The following SLC35F4 variants were observed in gnomAD, a reference collection of about 807,000 sequenced individuals.
The protein encoded by SLC35F4 is solute carrier family 35 member F4.
A neutral mutation model predicts 44.2 loss-of-function variants in SLC35F4; 24 were observed. The ratio of observed to expected loss-of-function variants is 0.54; its 90% CI spans 0.39 to 0.76. The LOEUF (loss-of-function observed/expected upper bound fraction) is 0.76, where lower values mean the gene tolerates loss of function less well. Ranked by LOEUF, SLC35F4 falls within the 30% of genes least tolerant of loss-of-function variation. The probability of loss-of-function intolerance (pLI) is 0.00; values close to 1 mark genes in which losing one functional copy is unlikely to be tolerated. For missense variants in SLC35F4, 562 were observed against 586.1 expected (o/e 0.96, Z 0.42); for synonymous variants, 238 against 223.6 (o/e 1.06, Z -0.57).
intron 1 of SLC35F4, among the ~76,000 whole-genome samples, chr14:57,772,124 T>C (rs2140686175): frequency 6.6e-6 from 1 of 152,316 alleles, no homozygotes; most frequent in East Asian, 1.9e-4. Context: ...CTTAATATAA[T>C]ATGCTGTGCT....
rs570154197 is a variant in SLC35F4, at chr14:57,715,641, C to A, written c.104-121517G>T. Among the ~76,000 whole-genome samples, 49 of 152,220 alleles carry A rather than the reference C, an allele frequency of 3.2e-4. 1 individual carries two copies. Among genetic ancestry groups the A allele is most frequent in the Admixed American group, 2.2e-3 (34 of 15,302 alleles). Reference sequence around the variant, plus strand: ...TTTTGAAGTTAAGGTAGCCCAGGAACTATGGAGCTAACTGGTTGGATGAGT... The same window carrying A: ...TTTTGAAGTTAAGGTAGCCCAGGAAATATGGAGCTAACTGGTTGGATGAGT... On this transcript the variant is annotated intron_variant, in intron 1 of 7. Coordinates refer to ENST00000556826, the MANE Select transcript of SLC35F4 (RefSeq NM_001306087.2).
At chr14:57,914,315 G>A (rs1283656357) in intron 1 of SLC35F4, among the ~76,000 whole-genome samples, 3 of 152,316 alleles carry the variant, frequency 2.0e-5, no homozygotes, top group Admixed American at 6.5e-5. Flanking sequence ...TGTAATCCCA[G>A]CACTTTGGGA....
intron 1 of SLC35F4, among the ~76,000 whole-genome samples, chr14:57,887,416 T>C (rs1196838768): frequency 6.6e-6 from 1 of 152,190 alleles, no homozygotes; most frequent in African/African-American, 2.4e-5. Context: ...CAGACTGTTC[T>C]CTGCAACCAT....
At chr14:57,971,434 T>G (rs1263024130) in intron 1 of SLC35F4, among the ~76,000 whole-genome samples, 1 of 152,148 alleles carries the variant, frequency 6.6e-6, no homozygotes, top group African/African-American at 2.4e-5. Context: ...AAACAAAAGC[T>G]GGTAAAAAGG....
intron 1 of SLC35F4, among the ~76,000 whole-genome samples, chr14:57,699,672 C>T (rs984717366): frequency 6.6e-6 from 1 of 152,196 alleles, no homozygotes; most frequent in Non-Finnish European, 1.5e-5. Context: ...AACAAAAAGG[C>T]ACCCCTCTTT....
chr14:57,564,493 G>A (rs2139648246), intron 7 of SLC35F4, 117 bp from the exon 8 acceptor site: 1 of 1,389,674 alleles, frequency 7.2e-7, no homozygotes, highest in Non-Finnish European at 9.6e-7. Flanking sequence ...ATTCTTCCAA[G>A]TTAGTGTTTC....
chr14:57,658,918 A>C (rs2074050925), intron 1 of SLC35F4, among the ~76,000 whole-genome samples: 2 of 152,166 alleles, frequency 1.3e-5, no homozygotes, highest in Admixed American at 1.3e-4. Context: ...TTAGAAATAG[A>C]ACCTTCGAGT....
chr14:57,619,996 AG>A (rs1285849538), intron 1 of SLC35F4, among the ~76,000 whole-genome samples: 1 of 152,172 alleles, frequency 6.6e-6, no homozygotes, highest in Non-Finnish European at 1.5e-5. Flanking sequence ...TAGTGAAAAA[AG>A]AATGAAAAGA....
At chr14:57,937,652 A>AAAGAAAAGAG (rs1202181652) in intron 1 of SLC35F4, among the ~76,000 whole-genome samples, 4 of 130,566 alleles carry the variant, frequency 3.1e-5, no homozygotes, top group East Asian at 4.4e-4. Flanking sequence ...AAAGAAAAGA[A>AAAGAAAAGAG]AAAAGAAAAG....
At chr14:57,581,573 C>G (rs1837727433) in intron 3 of SLC35F4, 140 bp from the exon 4 acceptor site, 2 of 764,666 alleles carry the variant, frequency 2.6e-6, no homozygotes, top group Admixed American at 2.9e-5. Flanking sequence ...GAACCCAGTT[C>G]TGAAATCTGC....
At chr14:57,760,212 T>G (rs974569115) in intron 1 of SLC35F4, among the ~76,000 whole-genome samples, 2 of 152,092 alleles carry the variant, frequency 1.3e-5, no homozygotes, top group Admixed American at 6.6e-5. Context: ...TTTGTGCATG[T>G]TGTAAGATTA....
intron 1 of SLC35F4, among the ~76,000 whole-genome samples, chr14:57,902,563 C>CAAA (rs36099939): frequency 1.6e-5 from 2 of 127,992 alleles, no homozygotes; most frequent in Non-Finnish European, 1.7e-5. Context: ...AACTCAGTCT[C>CAAA]AAAAAAAAAA....
intron 1 of SLC35F4, among the ~76,000 whole-genome samples, chr14:57,609,396 T>C (rs1429362039): frequency 6.6e-6 from 1 of 152,210 alleles, no homozygotes; most frequent in Admixed American, 6.5e-5. Context: ...TCTGCTTCCA[T>C]GATTGTTGCA....
At chr14:57,894,907 T>C (rs1028415301) in intron 1 of SLC35F4, among the ~76,000 whole-genome samples, 1 of 152,156 alleles carries the variant, frequency 6.6e-6, no homozygotes, top group Non-Finnish European at 1.5e-5. Context: ...AAGTGTCTTA[T>C]TATATAACTA....
At chr14:57,800,747 C>G (rs1048127791) in intron 1 of SLC35F4, among the ~76,000 whole-genome samples, 20 of 151,552 alleles carry the variant, frequency 1.3e-4, no homozygotes, top group African/African-American at 4.8e-4. Flanking sequence ...TAGAATGGAC[C>G]AAGTGGAGGA....
chr14:57,564,131 C>G lies in SLC35F4; in HGVS notation c.*4G>C. 1.2e-6 allele frequency: 2 copies of G among 1,613,348 alleles called. No individual in the cohort carries two copies. Among genetic ancestry groups the G allele is most frequent in the Non-Finnish European group, 1.7e-6 (2 of 1,179,580 alleles). On this transcript the variant is annotated 3_prime_UTR_variant, in exon 8 of 8. Coordinates refer to ENST00000556826, the MANE Select transcript of SLC35F4 (RefSeq NM_001306087.2). ...ATACACGTGCATTCAAAATATGTCC[C>G]TCTCTAAGCCAGTGGTATAGACACT...
At chr14:57,575,490 C>T (rs1270370198) in intron 4 of SLC35F4, among the ~76,000 whole-genome samples, 2 of 151,450 alleles carry the variant, frequency 1.3e-5, no homozygotes, top group Admixed American at 6.6e-5. Context: ...CAAAAACAAA[C>T]AAAAAAGATG....
intron 1 of SLC35F4, among the ~76,000 whole-genome samples, chr14:57,853,062 T>G (rs910912232): frequency 6.6e-6 from 1 of 152,204 alleles, no homozygotes; most frequent in Admixed American, 6.5e-5. Flanking sequence ...CCTCAATTAC[T>G]GTACATTGAA....
intron 1 of SLC35F4, among the ~76,000 whole-genome samples, chr14:57,753,809 A>T (rs1414366683): frequency 6.6e-6 from 1 of 151,966 alleles, no homozygotes; most frequent in Non-Finnish European, 1.5e-5. Flanking sequence ...TTTTCCATAA[A>T]CACTGGCCTC....
Sources: gnomAD v4.1 joint callset for allele counts (sites outside exome capture counted in the v4.1 genomes callset) on GRCh38, gnomAD v4.1.1 for gene constraint, MANE v1.5 for transcripts, NCBI Gene and HGNC (gene_info 2026-07-23, HGNC 2026-07-21) for gene names.